TRPC5: variants seen among roughly 807,000 people sequenced by gnomAD.
TRPC5 encodes the protein short transient receptor potential channel 5.
TRPC5 carries 9 observed loss-of-function variants against 56.5 expected under a neutral mutation model. The ratio of observed to expected loss-of-function variants is 0.16; its 90% confidence interval spans 0.10 to 0.28. The LOEUF (loss-of-function observed/expected upper bound fraction) is 0.28, where lower values mean the gene tolerates loss of function less well. TRPC5 is among the 10% of genes least tolerant of loss of function. TRPC5 has a pLI of 1.00. For synonymous variants in TRPC5, 282 were observed against 278.5 expected (o/e 1.01, Z -0.13); for missense variants, 469 against 748.9 (o/e 0.63, Z 4.36).
At chrX:111,786,753 A>G (rs2148552481) in intron 7 of TRPC5, among the ~76,000 whole-genome samples, 1 of 111,431 alleles carries the variant, frequency 9.0e-6, no homozygotes, top group East Asian at 2.8e-4. Context: ...AAAAAAAAGC[A>G]GGGGTTGCAA....
intron 2 of TRPC5, among the ~76,000 whole-genome samples, chrX:111,947,059 A>G (rs926484658): frequency 1.8e-5 from 2 of 111,886 alleles, no homozygotes; most frequent in Non-Finnish European, 3.8e-5. Context: ...GAGTCAGGTC[A>G]GGAACATATT....
At chrX:112,051,171 T>A (rs1011638097) in intron 1 of TRPC5, among the ~76,000 whole-genome samples, 30 of 112,481 alleles carry the variant, frequency 2.7e-4, no homozygotes, top group Admixed American at 2.5e-3. Context: ...GCATTGATGC[T>A]GTTTCCTTGG....
intron 7 of TRPC5, among the ~76,000 whole-genome samples, chrX:111,798,527 G>A (rs1273744302): frequency 8.9e-6 from 1 of 111,832 alleles, no homozygotes; most frequent in African/African-American, 3.2e-5. Flanking sequence ...GTACTCCCAA[G>A]AAACAGAAAT....
chrX:111,935,319 G>GT (rs1259630593), intron 2 of TRPC5, among the ~76,000 whole-genome samples: 11 of 111,062 alleles, frequency 9.9e-5, no homozygotes, highest in Non-Finnish European at 7.6e-5. Context: ...AAGACTAATC[G>GT]TTTTTTTTCC....
chrX:111,824,228 T>TA (rs1922119340), intron 7 of TRPC5, among the ~76,000 whole-genome samples: 1 of 61,992 alleles, frequency 1.6e-5, no homozygotes, highest in East Asian at 3.9e-4. Flanking sequence ...AGACCCTGTC[T>TA]CAAAAAAAAA....
At chrX:112,043,969 A>T (rs1945938095) in intron 1 of TRPC5, among the ~76,000 whole-genome samples, 1 of 105,907 alleles carries the variant, frequency 9.4e-6, no homozygotes, top group African/African-American at 3.5e-5. Context: ...AGTTAGCAGG[A>T]ATTATTTTGA....
chrX:111,881,057 T>C (rs1446225126), intron 3 of TRPC5, among the ~76,000 whole-genome samples: 4 of 112,270 alleles, frequency 3.6e-5, no homozygotes, highest in African/African-American at 1.3e-4. Context: ...AATTGCACAT[T>C]GTGGGCAAAA....
intron 1 of TRPC5, among the ~76,000 whole-genome samples, chrX:112,048,905 G>A (rs780799637): frequency 8.9e-6 from 1 of 111,843 alleles, no homozygotes; most frequent in African/African-American, 3.2e-5. Flanking sequence ...ACCTCATCCC[G>A]CCTCTCCAAC....
At chrX:111,780,779 T>G (rs921792932) in intron 9 of TRPC5, among the ~76,000 whole-genome samples, 2 of 112,132 alleles carry the variant, frequency 1.8e-5, no homozygotes, top group African/African-American at 6.5e-5. Context: ...GATAATATAT[T>G]TCATAAGGGC....
intron 1 of TRPC5, among the ~76,000 whole-genome samples, chrX:112,061,221 A>G (rs1930451833): frequency 8.9e-6 from 1 of 112,154 alleles, no homozygotes. Flanking sequence ...ATCTGTGTTG[A>G]AGGCTACAGA....
At chrX:111,809,882 G>T (rs1002039326) in intron 7 of TRPC5, among the ~76,000 whole-genome samples, 63 of 99,141 alleles carry the variant, frequency 6.4e-4, no homozygotes, top group African/African-American at 2.1e-3. Flanking sequence ...TCTTCATTTT[G>T]TTTTTTTTTT....
intron 3 of TRPC5, among the ~76,000 whole-genome samples, chrX:111,860,909 T>C (rs1203874682): frequency 8.9e-6 from 1 of 112,145 alleles, no homozygotes; most frequent in African/African-American, 3.2e-5. Flanking sequence ...AAGTTTGATT[T>C]TGAGAAGGCT....
intron 3 of TRPC5, among the ~76,000 whole-genome samples, chrX:111,869,866 T>C (rs1175634065): frequency 9.0e-6 from 1 of 111,508 alleles, no homozygotes; most frequent in Non-Finnish European, 1.9e-5. Flanking sequence ...GAAAGTGACA[T>C]AGCATGTCAG....
chrX:111,989,935 C>G (rs1207319350), intron 1 of TRPC5, among the ~76,000 whole-genome samples: 1 of 112,222 alleles, frequency 8.9e-6, no homozygotes, highest in Non-Finnish European at 1.9e-5. Context: ...CACTTTTTAC[C>G]TTTGGGGGGA....
At position 111,770,599 on chromosome X, in the gene TRPC5, C is replaced by T. The variant is rs1945837733; in HGVS notation, c.*5714G>A. On this transcript the variant is annotated 3_prime_UTR_variant, in exon 11 of 11. Coordinates refer to ENST00000262839, the MANE Select transcript of TRPC5 (RefSeq NM_012471.3). ...AGCCCCGTGTTTTAAAGTGTATATCCTCACTCATCCTTACTTCAAAAGCTT... is the reference window on the plus strand; with the variant it reads ...AGCCCCGTGTTTTAAAGTGTATATCTTCACTCATCCTTACTTCAAAAGCTT... Among the ~76,000 whole-genome samples the T allele has an allele frequency of 9.0e-6, 1 of 111,472 alleles. No individual in the cohort carries two copies. The highest frequency in any genetic ancestry group is 3.3e-5 in the African/African-American group (1 of 30,683).
chrX:111,854,517 G>A (rs769427360), intron 3 of TRPC5, among the ~76,000 whole-genome samples: 1 of 111,365 alleles, frequency 9.0e-6, no homozygotes, highest in South Asian at 3.8e-4. Context: ...GTGGATGGAG[G>A]AGAGAGTAGA....
chrX:112,055,876 G>T (rs1013387548), intron 1 of TRPC5, among the ~76,000 whole-genome samples: 2 of 110,068 alleles, frequency 1.8e-5, no homozygotes, highest in African/African-American at 3.3e-5. Flanking sequence ...CTGCACAGTT[G>T]TAGTAAGGGG....
intron 1 of TRPC5, among the ~76,000 whole-genome samples, chrX:111,964,167 C>T (rs1240819494): frequency 2.7e-4 from 30 of 111,746 alleles, no homozygotes; most frequent in Admixed American, 2.0e-3. Context: ...TCGAGAACTA[C>T]GTGAAGAATG....
At chrX:111,978,226 G>C (rs953670085) in intron 1 of TRPC5, among the ~76,000 whole-genome samples, 3 of 111,845 alleles carry the variant, frequency 2.7e-5, no homozygotes, top group African/African-American at 9.7e-5. Context: ...TAATGTGTGT[G>C]TGTATAATTA....
Sources: allele counts gnomAD v4.1 joint callset (sites outside exome capture counted in the v4.1 genomes callset), GRCh38; gene constraint gnomAD v4.1.1; transcripts MANE v1.5; gene names NCBI Gene and HGNC (gene_info 2026-07-23, HGNC 2026-07-21).